The following COL6A2 variants were observed in gnomAD, a reference collection of about 807,000 sequenced individuals.
The protein encoded by COL6A2 is collagen alpha-2(VI) chain.
COL6A2 carries 90 observed loss-of-function variants against 124.9 expected under a neutral mutation model. The ratio of observed to expected loss-of-function variants is 0.72; its 90% confidence interval spans 0.61 to 0.86. The LOEUF (loss-of-function observed/expected upper bound fraction) is 0.86, where lower values mean the gene tolerates loss of function less well. Among genes scored for constraint, COL6A2 ranks in the 40% least tolerant of loss-of-function variants. The pLI, the probability that COL6A2 is intolerant of heterozygous loss-of-function variation, is 0.00. For missense variants in COL6A2, 1,607 were observed against 1,502.5 expected (o/e 1.07, Z -1.15); for synonymous variants, 793 against 618.2 (o/e 1.28, Z -4.19).
At position 46,121,111 on chromosome 21, in the gene COL6A2, G is replaced by A. The variant is rs773412169; in HGVS notation, c.1446G>A (p.Glu482=). 6.2e-7 allele frequency: 1 copy of A among 1,612,782 alleles called. No homozygotes were observed. The highest frequency in any genetic ancestry group is 1.1e-5 in the South Asian group (1 of 91,082). ...GPRGPQGALG[E]PGKQGSRGDP... is the part of the protein sequence containing the mutation. ...GAGGCCCCCAGGGAGCTCTTGGGGAGCCCGGAAAGCAGGTCAGTGTCAGTG... is the reference window on the plus strand; with the variant it reads ...GAGGCCCCCAGGGAGCTCTTGGGGAACCCGGAAAGCAGGTCAGTGTCAGTG... The change falls in exon 17 of 28, where the codon GAG becomes GAA. Residue 482 remains glutamate, a synonymous_variant. Coordinates refer to ENST00000300527, the MANE Select transcript of COL6A2 (RefSeq NM_001849.4).
chr21:46,132,617 C>G lies in COL6A2; in HGVS notation c.*65C>G. Reference sequence around the variant, plus strand: ...ACCCCGTCCATGGTGCTAAGCGGGCCCGGGTCCCACACGGCCAGCACCGCT... The same window carrying G: ...ACCCCGTCCATGGTGCTAAGCGGGCGCGGGTCCCACACGGCCAGCACCGCT... On this transcript the variant is annotated 3_prime_UTR_variant, in exon 28 of 28. Transcript: ENST00000300527. The G allele has an allele frequency of 2.1e-6, 3 of 1,452,772 alleles. No individual in the cohort carries two copies. The highest frequency in any genetic ancestry group is 1.4e-5 in the African/African-American group (1 of 71,598). The allele number at this position is 1,452,772 out of a possible 1,614,324, so 90.0% of individuals were successfully genotyped here.
intron 19 of COL6A2, 92 bp from the exon 20 acceptor site, chr21:46,122,388 AGTGTGAATGAGCGAGG>A: frequency 6.9e-7 from 1 of 1,445,600 alleles, no homozygotes. Context: ...CCTCACCCAG[AGTGTGAATGAGCGAGG>A]GAGGGAAACG....
intron 1 of COL6A2, among the ~76,000 whole-genome samples, chr21:46,100,325 T>A (rs1461853366): frequency 6.6e-6 from 1 of 152,080 alleles, no homozygotes; most frequent in Non-Finnish European, 1.5e-5. Context: ...TGTTTGTTTG[T>A]TTGTTTGGGG....
chr21:46,127,415 G>A (rs1474977141), intron 27 of COL6A2, among the ~76,000 whole-genome samples: 2 of 152,164 alleles, frequency 1.3e-5, no homozygotes, highest in African/African-American at 4.8e-5. Flanking sequence ...CCCCAGGGGA[G>A]GAGCCGTGGA....
chr21:46,119,911 G>A (rs1330405904), intron 15 of COL6A2, 61 bp downstream of exon 15: 40 of 1,438,998 alleles, frequency 2.8e-5, no homozygotes, highest in African/African-American at 7.1e-5. Context: ...CCCTGCTGAC[G>A]AGGGCCCCAA....
intron 19 of COL6A2, 141 bp from the exon 20 acceptor site, chr21:46,122,355 C>T: frequency 7.6e-7 from 1 of 1,309,600 alleles, no homozygotes; most frequent in South Asian, 1.2e-5. Context: ...GAAAAGAGCA[C>T]AGCTCAGAAC....
chr21:46,127,200 C>T (rs1057229516), intron 27 of COL6A2, among the ~76,000 whole-genome samples: 1 of 152,126 alleles, frequency 6.6e-6, no homozygotes, highest in Non-Finnish European at 1.5e-5. Context: ...GTGAGCCGTC[C>T]CCTCCAGGAG....
Position 46,118,600 on chromosome 21 carries a change from G to A in COL6A2, c.1117-14G>A, listed in dbSNP as rs768473305. 93 of 1,612,260 alleles carry A rather than the reference G, an allele frequency of 5.8e-5. No homozygotes were observed. In the East Asian group the frequency reaches 2.1e-3, roughly 36 times the overall value. On this transcript the variant is annotated splice_polypyrimidine_tract_variant and intron_variant, in intron 12 of 27. Transcript: ENST00000300527. ...TGCCAAAAGACGTGAGGCTGATTCT[G>A]CAAACCCTTCCAGGGGGACCCTGGC...
chr21:46,102,264 ATTTG>A (rs1368197986), intron 1 of COL6A2, among the ~76,000 whole-genome samples: 5 of 152,112 alleles, frequency 3.3e-5, no homozygotes, highest in African/African-American at 7.2e-5. Context: ...ATTTTGCTGA[ATTTG>A]TTTATTAGTT....
Position 46,122,848 on chromosome 21 carries a change from C to T in COL6A2, c.1609-27C>T. 1.9e-6 allele frequency: 3 copies of T among 1,609,548 alleles called. No homozygotes were observed. The Middle Eastern group carries it at 5.0e-4, about 266-fold the overall frequency. On this transcript the variant is annotated intron_variant, in intron 20 of 27. Coordinates refer to ENST00000300527, the MANE Select transcript of COL6A2 (RefSeq NM_001849.4). ...CCTGGTAGAGACAGCTCCTCTGTCCCAGGCTAACATGTGTTCCCTGTCACA... is the reference window on the plus strand; with the variant it reads ...CCTGGTAGAGACAGCTCCTCTGTCCTAGGCTAACATGTGTTCCCTGTCACA...
In COL6A2 at chr21:46,121,446, G is replaced by A. The variant is rs1568934366; in HGVS notation, c.1459-110G>A. The A allele has an allele frequency of 4.8e-6, 5 of 1,034,394 alleles. No individual in the cohort carries two copies. The East Asian group carries it at 7.6e-5, about 16-fold the overall frequency. The allele number at this position is 1,034,394 out of a possible 1,614,324, so 64.1% of individuals were successfully genotyped here. ...ACGGCCCCCACAGGCAGCAGGAGGA[G>A]CTGCGGCCATGTGGCCTGGTGGTCA... On this transcript the variant is annotated intron_variant, in intron 17 of 27. Coordinates refer to ENST00000300527, the MANE Select transcript of COL6A2 (RefSeq NM_001849.4).
intron 23 of COL6A2, 70 bp downstream of exon 23, chr21:46,124,990 G>C (rs1158012203): frequency 1.0e-5 from 16 of 1,578,002 alleles, no homozygotes; most frequent in Non-Finnish European, 1.2e-5. Context: ...CAGCAGGGGT[G>C]GGGGAAGGTC....
Position 46,132,550 on chromosome 21 carries a change from T to TAGC in COL6A2, c.3059_*1dup, listed in dbSNP as rs755047241. On this transcript the variant is annotated inframe_insertion and stop_retained_variant, in exon 28 of 28. Coordinates refer to ENST00000300527, the MANE Select transcript of COL6A2 (RefSeq NM_001849.4). ...CGACCGCTTCATCCGCTGGATCTGC[T>TAGC]AGCGCCGCCGCCCGGGCCCCGCAGT... The TAGC allele has an allele frequency of 1.3e-6, 2 of 1,596,504 alleles. No individual in the cohort carries two copies. The highest frequency in any genetic ancestry group is 1.3e-5 in the African/African-American group (1 of 74,758).
intron 27 of COL6A2, among the ~76,000 whole-genome samples, chr21:46,127,282 G>A (rs1485558641): frequency 1.3e-5 from 2 of 152,168 alleles, no homozygotes; most frequent in Non-Finnish European, 2.9e-5. Context: ...GGAAACCTCA[G>A]GGTCTGCGGT....
intron 5 of COL6A2, among the ~76,000 whole-genome samples, chr21:46,114,461 G>T (rs529621248): frequency 6.6e-6 from 1 of 151,220 alleles, no homozygotes; most frequent in Non-Finnish European, 1.5e-5. Flanking sequence ...CCACATTTAA[G>T]GCCAGCTGTA....
At chr21:46,120,893 C>T (rs1451531846) in intron 16 of COL6A2, among the ~76,000 whole-genome samples, 168 bp from the exon 17 acceptor site, 1 of 152,134 alleles carries the variant, frequency 6.6e-6, no homozygotes, top group Non-Finnish European at 1.5e-5. Context: ...ACTCAGTGTG[C>T]TCAGGGCTGA....
Position 46,116,049 on chromosome 21 carries a change from C to A in COL6A2, c.896C>A (p.Pro299His), listed in dbSNP as rs572345625. 5.2e-5 allele frequency: 83 copies of A among 1,590,328 alleles called. No individual in the cohort carries two copies. The South Asian group carries it at 9.3e-4, about 18-fold the overall frequency. The change falls in exon 7 of 28, where the codon CCC becomes CAC. Residue 299 changes from proline to histidine, a missense_variant. This residue lies in a region of COL6A2 where 42 missense variants were observed against 68.7 expected (regional missense o/e 0.61). Transcript: ENST00000300527. The surrounding 1 kb of genome is among the most constrained non-coding windows in gnomAD (Gnocchi z 4.6). ...GAAGGCCCCATTGGATTCCCAGGAC[C>A]CAAGGTGAGTGACCTCGGCCAGGGG... ...GIEGPIGFPG[P>H]KGVPGFKGEK...
At chr21:46,110,263 C>T (rs542997834) in intron 1 of COL6A2, among the ~76,000 whole-genome samples, 44 of 152,234 alleles carry the variant, frequency 2.9e-4, no homozygotes, top group African/African-American at 8.7e-4. Flanking sequence ...GTGATGGCAG[C>T]GGCCACACCA....
intron 1 of COL6A2, among the ~76,000 whole-genome samples, chr21:46,099,889 C>CGTTTTTTTTTTTTTTTTTTTTTT (rs1345870090): frequency 1.1e-5 from 1 of 91,840 alleles, no homozygotes; most frequent in African/African-American, 3.8e-5. Flanking sequence ...GCAGCACTGT[C>CGTTTTTTTTTTTTTTTTTTTTTT]TTTTTTTTTT....
Sources: allele counts gnomAD v4.1 joint callset (sites outside exome capture counted in the v4.1 genomes callset), GRCh38; gene constraint gnomAD v4.1.1; regional missense constraint gnomAD v4.1.1; non-coding constraint Gnocchi (gnomAD v3.1); transcripts MANE v1.5; gene names NCBI Gene and HGNC (gene_info 2026-07-23, HGNC 2026-07-21).